The following CECR2 variants were observed in gnomAD, a reference collection of about 807,000 sequenced individuals.
The protein encoded by CECR2 is CECR2 histone acetyl-lysine reader.
In CECR2, 30 loss-of-function variants were observed where a neutral mutation model predicts 154.5. The observed-to-expected ratio is 0.19, with a 90% CI of 0.15 to 0.26. CECR2 has a LOEUF of 0.26. CECR2 is among the 10% of genes least tolerant of loss of function. CECR2 has a pLI of 1.00. For synonymous variants in CECR2, 725 were observed against 683.7 expected, an observed-to-expected ratio of 1.06 and a Z score of -0.94; for missense variants, 1,743 against 1,829.3, an observed-to-expected ratio of 0.95 and a Z score of 0.86.
intron 1 of CECR2, among the ~76,000 whole-genome samples, chr22:17,445,621 G>A (rs2054650107): frequency 6.6e-6 from 1 of 150,438 alleles, no homozygotes; most frequent in Non-Finnish European, 1.5e-5. Context: ...CTGTCGCCCA[G>A]GCTGGAGTGC....
chr22:17,522,919 C>T (rs1416264954), intron 8 of CECR2, among the ~76,000 whole-genome samples: 1 of 151,646 alleles, frequency 6.6e-6, no homozygotes, highest in Non-Finnish European at 1.5e-5. Flanking sequence ...GCAGGAGAAT[C>T]ACTTGAACCC....
At chr22:17,520,029 T>C (rs1341991164) in intron 8 of CECR2, among the ~76,000 whole-genome samples, 1 of 151,954 alleles carries the variant, frequency 6.6e-6, no homozygotes, top group Non-Finnish European at 1.5e-5. Flanking sequence ...AACCTCATGA[T>C]CCACCCACCT....
chr22:17,502,958 C>T, intron 5 of CECR2, 124 bp from the exon 6 acceptor site: 2 of 753,452 alleles, frequency 2.7e-6, no homozygotes, highest in African/African-American at 1.8e-5. Context: ...AAGCCTTGTC[C>T]CCTTAACACA....
intron 9 of CECR2, among the ~76,000 whole-genome samples, chr22:17,526,950 C>A (rs999076055): frequency 1.3e-5 from 2 of 151,826 alleles, no homozygotes; most frequent in African/African-American, 4.8e-5. Flanking sequence ...GGGATCACAT[C>A]AAGTTAAAAA....
intron 1 of CECR2, among the ~76,000 whole-genome samples, chr22:17,407,986 C>G (rs1294923858): frequency 1.3e-5 from 2 of 152,180 alleles, no homozygotes; most frequent in Non-Finnish European, 2.9e-5. Flanking sequence ...ATCTTGTCAT[C>G]AGTTGTTGGT....
At chr22:17,486,465 C>T (rs1158108815) in intron 2 of CECR2, among the ~76,000 whole-genome samples, 1 of 152,190 alleles carries the variant, frequency 6.6e-6, no homozygotes, top group African/African-American at 2.4e-5. Context: ...GGGGGCGTGT[C>T]AGTCACATGC....
intron 1 of CECR2, among the ~76,000 whole-genome samples, chr22:17,464,481 A>C (rs1172355743): frequency 6.6e-6 from 1 of 152,160 alleles, no homozygotes; most frequent in Admixed American, 6.5e-5. Context: ...TTACATTTTT[A>C]AGGAATAAAA....
intron 7 of CECR2, among the ~76,000 whole-genome samples, chr22:17,508,537 G>C (rs1569130319): frequency 6.6e-6 from 1 of 152,086 alleles, no homozygotes; most frequent in African/African-American, 2.4e-5. Flanking sequence ...TAGTCTGGGT[G>C]TGTAGTCGGC....
intron 1 of CECR2, among the ~76,000 whole-genome samples, chr22:17,414,003 T>A (rs189566819): frequency 2.0e-5 from 3 of 147,394 alleles, no homozygotes; most frequent in Non-Finnish European, 4.5e-5. Context: ...GACGGAGTCT[T>A]GCTCTGTCAC....
intron 15 of CECR2, 49 bp from the exon 16 acceptor site, chr22:17,542,108 G>T: frequency 6.3e-7 from 1 of 1,584,092 alleles, no homozygotes; most frequent in Non-Finnish European, 8.6e-7. Flanking sequence ...GGCACAAAGT[G>T]TGCCTTATTC....
intron 2 of CECR2, among the ~76,000 whole-genome samples, chr22:17,484,224 C>G (rs990365666): frequency 3.3e-5 from 5 of 152,224 alleles, no homozygotes; most frequent in African/African-American, 1.2e-4. Context: ...GAGTCTCACT[C>G]TGTTCCCCAG....
chr22:17,417,514 C>T (rs1160581981), intron 1 of CECR2, among the ~76,000 whole-genome samples: 2 of 152,110 alleles, frequency 1.3e-5, no homozygotes, highest in African/African-American at 4.8e-5. Context: ...TACAGGATCT[C>T]GCTATGTTGC....
intron 2 of CECR2, among the ~76,000 whole-genome samples, chr22:17,478,447 C>G (rs1235395200): frequency 6.6e-6 from 1 of 151,444 alleles, no homozygotes; most frequent in African/African-American, 2.4e-5. Context: ...GCTTCACCTC[C>G]CAGGTTCACG....
intron 1 of CECR2, among the ~76,000 whole-genome samples, chr22:17,473,565 GA>G (rs143481201): frequency 0.076 from 11,499 of 152,220 alleles, 477 homozygotes; most frequent in Middle Eastern, 0.15. Flanking sequence ...TCCGAATTTT[GA>G]AAAGGACACT....
chr22:17,378,242 C>T (rs894756114), intron 1 of CECR2, among the ~76,000 whole-genome samples: 2 of 150,094 alleles, frequency 1.3e-5, no homozygotes, highest in Non-Finnish European at 3.0e-5. Context: ...CTTGGCCTCC[C>T]AAAGTGCTGG....
intron 1 of CECR2, among the ~76,000 whole-genome samples, chr22:17,382,968 C>T (rs1383905223): frequency 6.6e-6 from 1 of 152,282 alleles, no homozygotes; most frequent in Non-Finnish European, 1.5e-5. Flanking sequence ...TGGCTCACGC[C>T]TGTAATCCCA....
chr22:17,456,842 T>C (rs1412177247), intron 1 of CECR2, among the ~76,000 whole-genome samples: 3 of 152,190 alleles, frequency 2.0e-5, no homozygotes, highest in Non-Finnish European at 4.4e-5. Context: ...GTAGATATAT[T>C]GTTACTCTTC....
chr22:17,545,710 G>A (rs1194783668), intron 16 of CECR2, among the ~76,000 whole-genome samples: 1 of 151,842 alleles, frequency 6.6e-6, no homozygotes, highest in Admixed American at 6.6e-5. Flanking sequence ...GGGAACAGTG[G>A]TGGGTGCCTG....
intron 2 of CECR2, among the ~76,000 whole-genome samples, chr22:17,492,712 T>C (rs142757667): frequency 7.7e-4 from 117 of 152,324 alleles, no homozygotes; most frequent in African/African-American, 2.8e-3. Context: ...AAAATAGACC[T>C]TGTTGTTCTG....
Sources: gnomAD v4.1 joint callset for allele counts (sites outside exome capture counted in the v4.1 genomes callset) on GRCh38, gnomAD v4.1.1 for gene constraint, MANE v1.5 for transcripts, NCBI Gene and HGNC (gene_info 2026-07-23, HGNC 2026-07-21) for gene names.